Variants in DOCK3 observed in about 807,000 individuals in gnomAD.
DOCK3 encodes dedicator of cytokinesis protein 3.
DOCK3 carries 60 observed loss-of-function variants against 265.6 expected under a neutral mutation model. That is an observed-to-expected ratio of 0.23 (90% CI 0.18 to 0.28). The LOEUF is 0.28. DOCK3 is among the 10% of genes least tolerant of loss of function. The probability of loss-of-function intolerance (pLI) is 1.00; values close to 1 mark genes in which losing one functional copy is unlikely to be tolerated. For synonymous variants in DOCK3, 881 were observed against 938.0 expected, an observed-to-expected ratio of 0.94 and a Z score of 1.11; for missense variants, 1,981 against 2,594.3, an observed-to-expected ratio of 0.76 and a Z score of 5.14.
intron 12 of DOCK3, among the ~76,000 whole-genome samples, chr3:51,164,641 AG>A (rs71084133): frequency 2.7e-5 from 4 of 149,416 alleles, no homozygotes; most frequent in East Asian, 2.0e-4. Context: ...AAAAAAAAAA[AG>A]GAGGAGAGTC....
At chr3:50,680,177 T>G (rs1289475756) in intron 1 of DOCK3, among the ~76,000 whole-genome samples, 2 of 152,044 alleles carry the variant, frequency 1.3e-5, no homozygotes, top group Non-Finnish European at 2.9e-5. Context: ...ATTTAAGGAA[T>G]TTTATTTCTG....
At chr3:50,914,807 A>T (rs899012829) in intron 4 of DOCK3, among the ~76,000 whole-genome samples, 3 of 152,036 alleles carry the variant, frequency 2.0e-5, no homozygotes, top group Admixed American at 6.6e-5. Flanking sequence ...TCCAACACCA[A>T]TTCATTCTTT....
chr3:51,236,203 C>G, intron 19 of DOCK3, 142 bp from the exon 20 acceptor site: 1 of 683,908 alleles, frequency 1.5e-6, no homozygotes, highest in East Asian at 2.9e-5. Flanking sequence ...GGTCAGGGTA[C>G]TAGTACGATG....
intron 7 of DOCK3, among the ~76,000 whole-genome samples, chr3:51,081,800 G>A (rs1424611774): frequency 1.3e-5 from 2 of 151,436 alleles, no homozygotes; most frequent in African/African-American, 4.9e-5. Flanking sequence ...GGAGGCTGAG[G>A]CAGGAGAATG....
intron 9 of DOCK3, among the ~76,000 whole-genome samples, chr3:51,138,040 T>C (rs1161994659): frequency 6.6e-6 from 1 of 152,218 alleles, no homozygotes; most frequent in Non-Finnish European, 1.5e-5. Flanking sequence ...TTCTACAGAC[T>C]CCATTGCCTT....
At chr3:51,008,891 T>G (rs1000151283) in intron 5 of DOCK3, among the ~76,000 whole-genome samples, 8 of 152,310 alleles carry the variant, frequency 5.3e-5, no homozygotes, top group African/African-American at 1.9e-4. Context: ...GGTTTTTGTC[T>G]TTGGTTCTGT....
chr3:50,965,824 A>G (rs986617278), intron 5 of DOCK3, among the ~76,000 whole-genome samples: 2 of 152,256 alleles, frequency 1.3e-5, no homozygotes, highest in African/African-American at 4.8e-5. Flanking sequence ...ATTGACAAAG[A>G]TTGTATATAT....
chr3:51,360,499 A>G lies in DOCK3; in HGVS notation c.4885-12A>G. On this transcript the variant is annotated splice_polypyrimidine_tract_variant and intron_variant, in intron 46 of 52. Transcript: ENST00000266037. ...CTTTACTCTCTATGAAGGGGCATTC[A>G]TTTCTCAACAGGAGTTTCCAGGTTT... 1 of 1,606,670 alleles carries G rather than the reference A, an allele frequency of 6.2e-7. No homozygotes were observed. Among genetic ancestry groups the G allele is most frequent in the South Asian group, 1.1e-5 (1 of 89,664 alleles).
At chr3:51,328,405 T>C (rs1014753950) in intron 32 of DOCK3, among the ~76,000 whole-genome samples, 2 of 152,144 alleles carry the variant, frequency 1.3e-5, no homozygotes, top group African/African-American at 4.8e-5. Flanking sequence ...GTGGGACTAA[T>C]CCACCTTGGC....
intron 5 of DOCK3, among the ~76,000 whole-genome samples, chr3:51,020,679 T>C (rs2079545405): frequency 6.6e-6 from 1 of 152,006 alleles, no homozygotes. Context: ...GTTTCAATTT[T>C]CTGCATATGG....
intron 38 of DOCK3, among the ~76,000 whole-genome samples, chr3:51,343,602 T>A (rs956278920): frequency 6.6e-6 from 1 of 152,206 alleles, no homozygotes; most frequent in Non-Finnish European, 1.5e-5. Context: ...GCTTTCTGCC[T>A]GAAGGAGGGA....
intron 6 of DOCK3, among the ~76,000 whole-genome samples, chr3:51,066,076 TACTC>T (rs1377421042): frequency 5.9e-5 from 9 of 152,218 alleles, no homozygotes; most frequent in Middle Eastern, 6.8e-3. Flanking sequence ...CAAAATAAAA[TACTC>T]AGAGAAGACA....
In DOCK3 at chr3:51,160,584, G is replaced by A; in HGVS notation, c.919G>A (p.Gly307Ser). The A allele has an allele frequency of 6.2e-7, 1 of 1,612,238 alleles. No individual in the cohort carries two copies. Among genetic ancestry groups the A allele is most frequent in the Non-Finnish European group, 8.5e-7 (1 of 1,179,180 alleles). The change falls in exon 12 of 53, where the codon GGT (glycine) becomes AGT (serine). Residue 307 changes from glycine (G) to serine (S), a missense_variant. By Grantham distance (56) the Gly-to-Ser change is moderately conservative (BLOSUM62 0). Coordinates refer to ENST00000266037, the MANE Select transcript of DOCK3 (RefSeq NM_004947.5). Reference protein sequence around the residue: ...GRMLLNDSKKGPPHLHYRRPY... With the variant: ...GRMLLNDSKKSPPHLHYRRPY... ...GATGCTCCTGAACGACTCAAAGAAAGGTCCTCCTCACCTGCACTACAGGCG... is the reference window on the plus strand; with the variant it reads ...GATGCTCCTGAACGACTCAAAGAAAAGTCCTCCTCACCTGCACTACAGGCG...
chr3:50,800,088 G>A (rs971399422), intron 2 of DOCK3, among the ~76,000 whole-genome samples: 10 of 152,114 alleles, frequency 6.6e-5, no homozygotes, highest in Admixed American at 2.6e-4. Context: ...GTTGGCTTTG[G>A]TTTGCTAGTA....
chr3:51,126,430 T>C (rs1349044646), intron 9 of DOCK3, among the ~76,000 whole-genome samples: 2 of 152,228 alleles, frequency 1.3e-5, no homozygotes, highest in African/African-American at 4.8e-5. Flanking sequence ...AGCTGAGGAA[T>C]ATAAAATGTA....
At chr3:51,200,865 A>G (rs2088704389) in intron 12 of DOCK3, among the ~76,000 whole-genome samples, 1 of 152,186 alleles carries the variant, frequency 6.6e-6, no homozygotes, top group African/African-American at 2.4e-5. Context: ...GTGGGGGCCA[A>G]TATTCAACAT....
At chr3:51,079,534 G>C (rs1312541699) in intron 7 of DOCK3, among the ~76,000 whole-genome samples, 2 of 151,540 alleles carry the variant, frequency 1.3e-5, no homozygotes, top group Non-Finnish European at 2.9e-5. Context: ...TATTTTTTCG[G>C]TAGAGATGAG....
chr3:51,228,594 T>C (rs916993863), intron 17 of DOCK3, 67 bp from the exon 18 acceptor site: 3 of 1,529,496 alleles, frequency 2.0e-6, no homozygotes, highest in Admixed American at 2.1e-5. Flanking sequence ...GCCCAGAAAT[T>C]CCTAGGACCT....
intron 12 of DOCK3, among the ~76,000 whole-genome samples, chr3:51,186,159 T>C (rs1188134349): frequency 6.6e-6 from 1 of 152,182 alleles, no homozygotes; most frequent in Admixed American, 6.5e-5. Flanking sequence ...AAAATGCTGA[T>C]AGTGATATGG....
Sources: allele counts gnomAD v4.1 joint callset (sites outside exome capture counted in the v4.1 genomes callset), GRCh38; gene constraint gnomAD v4.1.1; transcripts MANE v1.5; gene names NCBI Gene and HGNC (gene_info 2026-07-23, HGNC 2026-07-21).